The following NFAT5 variants were observed in gnomAD, a reference collection of about 807,000 sequenced individuals.
NFAT5 encodes nuclear factor of activated T cells 5.
Under a neutral mutation model 166.5 loss-of-function variants are expected in NFAT5, and 31 were observed. The observed-to-expected ratio is 0.19, with a 90% CI of 0.14 to 0.25. NFAT5 has a LOEUF of 0.25. Among genes scored for constraint, NFAT5 ranks in the 10% least tolerant of loss-of-function variants. NFAT5 has a pLI of 1.00. For synonymous variants in NFAT5, 612 were observed against 639.7 expected (o/e 0.96, Z 0.65); for missense variants, 1,449 against 1,821.8 (o/e 0.80, Z 3.72).
rs566111750 is a variant in NFAT5 at position 69,666,308 on chromosome 16, A to G, written c.1370-3669A>G. On this transcript the variant is annotated intron_variant, in intron 7 of 14. Coordinates refer to ENST00000349945, the MANE Select transcript of NFAT5 (RefSeq NM_138713.4). ...CCAAAAGCAATGGCAACCAAAGCCA[A>G]AATTGACAAATGGGATCTAATTAAA... Among the ~76,000 whole-genome samples the G allele has an allele frequency of 1.7e-4, 26 of 152,110 alleles. No individual in the cohort carries two copies. The South Asian group carries it at 5.0e-3, about 29-fold the overall frequency.
At chr16:69,657,255 C>T (rs908709904) in intron 6 of NFAT5, among the ~76,000 whole-genome samples, 9 of 151,488 alleles carry the variant, frequency 5.9e-5, no homozygotes, top group African/African-American at 7.3e-5. Context: ...CTCAGCCTCC[C>T]GAGTAGCTTG....
chr16:69,654,113 A>C (rs1337016584), intron 5 of NFAT5, among the ~76,000 whole-genome samples: 1 of 152,146 alleles, frequency 6.6e-6, no homozygotes, highest in Non-Finnish European at 1.5e-5. Flanking sequence ...AGCACCTAGG[A>C]TATCTTGGTA....
intron 4 of NFAT5, chr16:69,648,439 A>G (rs1426890227): frequency 3.0e-6 from 3 of 983,742 alleles, no homozygotes; most frequent in Non-Finnish European, 3.6e-6. Context: ...CATTGATTGT[A>G]CAGAGTCGAT....
At chr16:69,589,079 C>G (rs111576472) in intron 2 of NFAT5, among the ~76,000 whole-genome samples, 5 of 147,254 alleles carry the variant, frequency 3.4e-5, no homozygotes, top group African/African-American at 1.2e-4. Context: ...ACCACAACCT[C>G]CACGTCCTGG....
At chr16:69,596,713 A>G (rs1048222132) in intron 2 of NFAT5, among the ~76,000 whole-genome samples, 1 of 148,396 alleles carries the variant, frequency 6.7e-6, no homozygotes, top group African/African-American at 2.5e-5. Context: ...GCAAGACTCT[A>G]TCTTAAAAAA....
At chr16:69,636,829 A>G (rs1011977400) in intron 3 of NFAT5, among the ~76,000 whole-genome samples, 12 of 152,166 alleles carry the variant, frequency 7.9e-5, no homozygotes, top group African/African-American at 1.4e-4. Flanking sequence ...GGTCTCTGAC[A>G]TGGCCTGGAG....
chr16:69,642,198 A>G (rs2035243820), intron 3 of NFAT5, among the ~76,000 whole-genome samples: 1 of 152,210 alleles, frequency 6.6e-6, no homozygotes, highest in Non-Finnish European at 1.5e-5. Flanking sequence ...TGTAGACATT[A>G]TTTAATATCT....
At position 69,693,987 on chromosome 16, in the gene NFAT5, C is replaced by G. The variant is rs2037666904; in HGVS notation, c.4162C>G (p.Gln1388Glu). The change falls in exon 13 of 15, where the codon CAG (glutamine) becomes GAG (glutamate). Residue 1388 changes from glutamine (Q) to glutamate (E), a missense_variant. Transcript: ENST00000349945. ...LVQGSPSSQEQQVTLFLSPAS... is the reference protein window; with the variant it reads ...LVQGSPSSQEEQVTLFLSPAS... ...ACAAGGGTCACCTAGTTCTCAAGAG[C>G]AGCAAGTAACTCTCTTCTTATCTCC... The G allele has an allele frequency of 6.2e-7, 1 of 1,614,074 alleles. No individual in the cohort carries two copies. The highest frequency in any genetic ancestry group is 1.3e-5 in the African/African-American group (1 of 74,944).
intron 2 of NFAT5, among the ~76,000 whole-genome samples, chr16:69,604,355 C>T (rs2033293197): frequency 6.6e-6 from 1 of 152,152 alleles, no homozygotes; most frequent in African/African-American, 2.4e-5. Context: ...GCAGAGTGAT[C>T]TCATTGAATT....
Position 69,670,000 on chromosome 16 carries a change from A to G in NFAT5, c.1393A>G (p.Ile465Val), listed in dbSNP as rs762792190. The G allele has an allele frequency of 5.6e-6, 9 of 1,606,712 alleles. 1 individual carries two copies. The highest frequency in any genetic ancestry group is 7.6e-6 in the Non-Finnish European group (9 of 1,178,082). Residue 465 changes from isoleucine (I) to valine (V), a missense_variant, in exon 8 of 15, where the codon ATC becomes GTC. Coordinates refer to ENST00000349945, the MANE Select transcript of NFAT5 (RefSeq NM_138713.4). ...LCTQPAGVPE[I>V]LKKSLHSCSV... ...AGCTCAGCCAGCAGGAGTGCCAGAA[A>G]TCTTAAAGAAAAGCTTGCATAGCTG...
At chr16:69,606,553 C>T (rs2033420852) in intron 2 of NFAT5, among the ~76,000 whole-genome samples, 1 of 151,908 alleles carries the variant, frequency 6.6e-6, no homozygotes, top group East Asian at 1.9e-4. Context: ...AAGTACAAGA[C>T]CTGTAGAAAG....
At chr16:69,626,325 TA>T in intron 2 of NFAT5, 77 bp from the exon 3 acceptor site, 1 of 1,295,770 alleles carries the variant, frequency 7.7e-7, no homozygotes. Context: ...AGAAAAGACA[TA>T]CTCATTTTGT....
Position 69,694,147 on chromosome 16 carries a change from A to C in NFAT5, c.4322A>C (p.His1441Pro), listed in dbSNP as rs774593178. 6.2e-7 allele frequency: 1 copy of C among 1,614,218 alleles called. No individual in the cohort carries two copies. Among genetic ancestry groups the C allele is most frequent in the Non-Finnish European group, 8.5e-7 (1 of 1,180,040 alleles). ...SSPQPQATLF[H>P]NTAGGTMNQL... is the part of the protein sequence containing the mutation. Reference sequence around the variant, plus strand: ...CCTCAACCACAGGCTACTTTATTTCACAACACAGCAGGAGGCACAATGAAC... The same window carrying C: ...CCTCAACCACAGGCTACTTTATTTCCCAACACAGCAGGAGGCACAATGAAC... The change falls in exon 13 of 15, where the codon CAC becomes CCC. Residue 1441 changes from histidine (H) to proline (P), a missense_variant. Transcript: ENST00000349945.
chr16:69,579,561 G>T (rs547423177), intron 2 of NFAT5, among the ~76,000 whole-genome samples: 1 of 152,096 alleles, frequency 6.6e-6, no homozygotes, highest in South Asian at 2.1e-4. Flanking sequence ...TACTTACAGT[G>T]TAAACTATGG....
intron 9 of NFAT5, among the ~76,000 whole-genome samples, chr16:69,675,552 T>G (rs2036798081): frequency 6.6e-6 from 1 of 152,234 alleles, no homozygotes; most frequent in Non-Finnish European, 1.5e-5. Context: ...TTTTTCCACC[T>G]AGTTGAAAAG....
chr16:69,624,886 C>G (rs1285155914), intron 2 of NFAT5, among the ~76,000 whole-genome samples: 1 of 148,188 alleles, frequency 6.7e-6, no homozygotes, highest in East Asian at 2.0e-4. Flanking sequence ...CGATATGCCT[C>G]TAATTGTTCT....
intron 3 of NFAT5, among the ~76,000 whole-genome samples, chr16:69,638,924 T>G (rs1424376691): frequency 6.6e-6 from 1 of 152,172 alleles, no homozygotes; most frequent in Non-Finnish European, 1.5e-5. Flanking sequence ...AGTGACATTA[T>G]CTTTCAGTAG....
At chr16:69,689,828 A>G (rs2037479384) in intron 11 of NFAT5, among the ~76,000 whole-genome samples, 1 of 152,228 alleles carries the variant, frequency 6.6e-6, no homozygotes, top group African/African-American at 2.4e-5. Flanking sequence ...TGCAGGCATG[A>G]GCCACCACAC....
rs2035463688 is a variant in NFAT5 at position 69,647,007 on chromosome 16, C to T, written c.254-21C>T. On this transcript the variant is annotated intron_variant, in intron 3 of 14. Coordinates refer to ENST00000349945, the MANE Select transcript of NFAT5 (RefSeq NM_138713.4). This position sits in a 1 kb window ranked among gnomAD's most constrained non-coding sequence, Gnocchi z 4.8. ...GGTGAAAACATGTATAGTGTATTTA[C>T]TCTTGAATTGTACACTGCAGATGCT... 2 of 1,527,992 alleles carry T rather than the reference C, an allele frequency of 1.3e-6. No individual in the cohort carries two copies. The highest frequency in any genetic ancestry group is 2.6e-5 in the South Asian group (2 of 77,868). The allele number at this position is 1,527,992 out of a possible 1,614,324, so 94.7% of individuals were successfully genotyped here.
Sources: gnomAD v4.1 joint callset for allele counts (sites outside exome capture counted in the v4.1 genomes callset) on GRCh38, gnomAD v4.1.1 for gene constraint, Gnocchi (gnomAD v3.1) non-coding constraint, MANE v1.5 for transcripts, NCBI Gene and HGNC (gene_info 2026-07-23, HGNC 2026-07-21) for gene names.